Variants in ARMC2 observed in about 807,000 individuals in gnomAD.
ARMC2 encodes the protein armadillo repeat-containing protein 2.
A neutral mutation model predicts 90.3 loss-of-function variants in ARMC2; 67 were observed. The ratio of observed to expected loss-of-function variants is 0.74; its 90% CI spans 0.61 to 0.91. The LOEUF (loss-of-function observed/expected upper bound fraction) is 0.91. Among genes scored for constraint, ARMC2 ranks in the 40% least tolerant of loss-of-function variants. ARMC2 has a pLI of 0.00. For missense variants in ARMC2, 920 were observed against 1,030.9 expected (o/e 0.89, Z 1.47); for synonymous variants, 393 against 393.0 (o/e 1.00, Z 0.00).
chr6:108,889,096 A>G (rs1770680338), intron 5 of ARMC2, among the ~76,000 whole-genome samples: 1 of 152,024 alleles, frequency 6.6e-6, no homozygotes, highest in Non-Finnish European at 1.5e-5. Flanking sequence ...CACTCATGCT[A>G]TTCCCCTTCT....
the ARMC2 span, among the ~76,000 whole-genome samples, chr6:109,029,269 T>C: frequency 6.6e-6 from 1 of 152,186 alleles, no homozygotes; most frequent in African/African-American, 2.4e-5. Flanking sequence ...TGACTAAGGA[T>C]ACTATTAGGA....
chr6:108,998,354 G>A, the ARMC2 span: 58 of 728,752 alleles, frequency 8.0e-5, no homozygotes, highest in African/African-American at 8.5e-4. Context: ...ATGAGCATGT[G>A]AGGCAGTCAA....
At position 108,965,081 on chromosome 6, in the gene ARMC2, C is replaced by A. The variant is rs749756077; in HGVS notation, c.2387C>A (p.Ser796Ter). The A allele has an allele frequency of 1.2e-6, 2 of 1,613,638 alleles. No homozygotes were observed. Among genetic ancestry groups the A allele is most frequent in the Non-Finnish European group, 1.7e-6 (2 of 1,179,632 alleles). Residue 796 changes from serine to a stop codon, truncating the protein, a stop_gained, in exon 17 of 18, where the codon TCG becomes TAG. Coordinates refer to ENST00000392644, the MANE Select transcript of ARMC2 (RefSeq NM_032131.6). LOFTEE classifies it high-confidence loss of function. ...TTCAGTGAAAACATCACTAATGCTT[C>A]GTCATGTTTTGGAAATGAAGACACC... ...WNFSENITNASSCFGNEDTNT... is the reference protein window; with the variant it reads ...WNFSENITNA
At chr6:108,908,138 T>TG (rs35329057) in intron 8 of ARMC2, among the ~76,000 whole-genome samples, 40,112 of 151,610 alleles carry the variant, frequency 0.26, 6,431 homozygotes, top group Non-Finnish European at 0.35. Context: ...TCGGTAGTGC[T>TG]GGGGGGGGCC....
At chr6:108,949,040 C>T (rs1022285138) in intron 12 of ARMC2, among the ~76,000 whole-genome samples, 4 of 152,140 alleles carry the variant, frequency 2.6e-5, no homozygotes, top group African/African-American at 4.8e-5. Flanking sequence ...AAAAACAATC[C>T]AGCACCCTTA....
intron 5 of ARMC2, among the ~76,000 whole-genome samples, chr6:108,883,207 A>G (rs1446420587): frequency 6.6e-6 from 1 of 152,250 alleles, no homozygotes; most frequent in Non-Finnish European, 1.5e-5. Flanking sequence ...TGAAGTCCTA[A>G]GTGTAATAAG....
At chr6:108,869,999 C>T (rs1776227770) in intron 4 of ARMC2, among the ~76,000 whole-genome samples, 2 of 152,172 alleles carry the variant, frequency 1.3e-5, no homozygotes, top group African/African-American at 2.4e-5. Context: ...GACTTTACTT[C>T]GGTCTTCAGT....
Position 108,944,428 on chromosome 6 carries a change from C to T in ARMC2, c.1596+7429C>T, listed in dbSNP as rs1449990838. Among the ~76,000 whole-genome samples, 7 of 152,176 alleles carry T rather than the reference C, an allele frequency of 4.6e-5. No homozygotes were observed. The South Asian group carries it at 8.3e-4, about 18-fold the overall frequency. On this transcript the variant is annotated intron_variant, in intron 12 of 17. Transcript: ENST00000392644. ...CCAAATCTAGTTTGAAAAAGGTGCT[C>T]ATCACACTGATGAGGCTTCAAGCAC... is the stretch of plus-strand genomic sequence containing the variant.
intron 4 of ARMC2, among the ~76,000 whole-genome samples, chr6:108,871,982 T>C (rs1216646303): frequency 6.6e-6 from 1 of 152,218 alleles, no homozygotes; most frequent in Non-Finnish European, 1.5e-5. Context: ...CATCCAATTA[T>C]AAAGTTATAA....
At chr6:109,029,445 G>A in the ARMC2 span, among the ~76,000 whole-genome samples, 1 of 152,156 alleles carries the variant, frequency 6.6e-6, no homozygotes, top group Admixed American at 6.5e-5. Context: ...TATTGCTTAA[G>A]ATGCTGTGAA....
At chr6:108,926,725 CAA>C (rs923207428) in intron 10 of ARMC2, among the ~76,000 whole-genome samples, 1 of 137,240 alleles carries the variant, frequency 7.3e-6, no homozygotes, top group African/African-American at 2.7e-5. Context: ...ACTCTGTCTC[CAA>C]AAAAAAAAAG....
chr6:108,893,320 T>A lies in ARMC2; in HGVS notation c.672-1147T>A, dbSNP rs188162989. ...TTGTCAGAGAATATTAATTTAATTT[T>A]AAAAATGGAATCAGGGCACATTTTT... is the stretch of plus-strand genomic sequence containing the variant. On this transcript the variant is annotated intron_variant, in intron 5 of 17. Transcript: ENST00000392644. 4.8e-4 allele frequency among the ~76,000 whole-genome samples: 73 copies of A among 152,334 alleles called. No homozygotes were observed. In the East Asian group the frequency reaches 0.013, roughly 28 times the overall value.
At chr6:109,012,960 A>C in the ARMC2 span, among the ~76,000 whole-genome samples, 1 of 125,508 alleles carries the variant, frequency 8.0e-6, no homozygotes, top group African/African-American at 2.5e-5. Flanking sequence ...CTGAAAATAC[A>C]AAAAAATTAG....
rs186094169 is a variant in ARMC2, at chr6:108,879,691, G to A, written c.671+3341G>A. Among the ~76,000 whole-genome samples the A allele has an allele frequency of 7.9e-4, 120 of 152,138 alleles. 2 individuals are homozygous for A. The highest frequency in any genetic ancestry group is 7.0e-3 in the Admixed American group (107 of 15,276). ...ATCTGTTAAGGCTTTCCATGTAAACGTTCAAACTATCATGGTTTGGAAATG... is the reference window on the plus strand; with the variant it reads ...ATCTGTTAAGGCTTTCCATGTAAACATTCAAACTATCATGGTTTGGAAATG... On this transcript the variant is annotated intron_variant, in intron 5 of 17. Coordinates refer to ENST00000392644, the MANE Select transcript of ARMC2 (RefSeq NM_032131.6).
intron 10 of ARMC2, among the ~76,000 whole-genome samples, chr6:108,927,285 A>G (rs1775181017): frequency 6.6e-6 from 1 of 152,314 alleles, no homozygotes; most frequent in Admixed American, 6.5e-5. Flanking sequence ...ATCTTATCTC[A>G]TAGAATCCTC....
chr6:109,009,576 A>C, the ARMC2 span: 2 of 1,094,910 alleles, frequency 1.8e-6, no homozygotes, highest in Non-Finnish European at 2.2e-6. Context: ...GGCGGCGCCG[A>C]CAAACAAGCC....
intron 12 of ARMC2, among the ~76,000 whole-genome samples, chr6:108,945,454 CAT>C (rs753074816): frequency 6.6e-6 from 1 of 152,240 alleles, no homozygotes; most frequent in Non-Finnish European, 1.5e-5. Flanking sequence ...ATTCCTATCA[CAT>C]GTGTCCATTG....
At chr6:108,930,796 T>C (rs1246274554) in intron 11 of ARMC2, among the ~76,000 whole-genome samples, 1 of 151,686 alleles carries the variant, frequency 6.6e-6, no homozygotes, top group Non-Finnish European at 1.5e-5. Context: ...GGGGTTTCAC[T>C]GTGTTAGCCA....
chr6:108,963,234 AT>A (rs1778127180), intron 15 of ARMC2, among the ~76,000 whole-genome samples: 1 of 152,200 alleles, frequency 6.6e-6, no homozygotes, highest in Non-Finnish European at 1.5e-5. Context: ...TATGTCTCAA[AT>A]ATTAGTATAC....
Sources: gnomAD v4.1 joint callset for allele counts (sites outside exome capture counted in the v4.1 genomes callset) on GRCh38, gnomAD v4.1.1 for gene constraint, MANE v1.5 for transcripts, NCBI Gene and HGNC (gene_info 2026-07-23, HGNC 2026-07-21) for gene names.